ADAM12: variants seen among roughly 807,000 people sequenced by gnomAD.
ADAM12 encodes ADAM metallopeptidase domain 12.
Under a neutral mutation model 106.4 loss-of-function variants are expected in ADAM12, and 70 were observed. That is an observed-to-expected ratio of 0.66 (90% CI 0.54 to 0.80). The LOEUF (loss-of-function observed/expected upper bound fraction) is 0.80. Among genes scored for constraint, ADAM12 ranks in the 30% least tolerant of loss-of-function variants. The pLI is 0.00. For missense variants in ADAM12, 1,010 were observed against 1,171.9 expected (o/e 0.86, Z 2.02); for synonymous variants, 420 against 433.5 (o/e 0.97, Z 0.39).
chr10:126,189,667 T>C (rs1417735707), intron 3 of ADAM12, among the ~76,000 whole-genome samples: 1 of 152,140 alleles, frequency 6.6e-6, no homozygotes, highest in Admixed American at 6.5e-5. Context: ...TTGGGCTCCC[T>C]GTCCTGGGCT....
intron 4 of ADAM12, among the ~76,000 whole-genome samples, chr10:126,153,839 T>C (rs1956769843): frequency 6.6e-6 from 1 of 152,220 alleles, no homozygotes; most frequent in Non-Finnish European, 1.5e-5. Context: ...GAGGTCAATA[T>C]CTTGACTGGG....
At chr10:126,206,527 T>C (rs1380527140) in intron 3 of ADAM12, among the ~76,000 whole-genome samples, 1 of 152,160 alleles carries the variant, frequency 6.6e-6, no homozygotes, top group African/African-American at 2.4e-5. Context: ...GCCTCTAGAA[T>C]GTGTGTATTC....
chr10:126,093,495 C>T (rs1955502681), intron 11 of ADAM12, among the ~76,000 whole-genome samples: 1 of 152,300 alleles, frequency 6.6e-6, no homozygotes, highest in East Asian at 1.9e-4. Context: ...CCCCAAGCTA[C>T]CGACTTCAGA....
At chr10:126,045,600 T>C (rs1954296252) in intron 17 of ADAM12, among the ~76,000 whole-genome samples, 1 of 152,230 alleles carries the variant, frequency 6.6e-6, no homozygotes, top group Admixed American at 6.5e-5. Flanking sequence ...TGAACTAAAA[T>C]AACAGCCTTC....
chr10:126,094,758 C>T (rs1354570390), intron 10 of ADAM12, among the ~76,000 whole-genome samples: 1 of 152,158 alleles, frequency 6.6e-6, no homozygotes, highest in African/African-American at 2.4e-5. Flanking sequence ...ATATCTTATT[C>T]TTGCTGGCTC....
At chr10:126,024,873 G>A (rs1344132489) in intron 21 of ADAM12, among the ~76,000 whole-genome samples, 1 of 151,874 alleles carries the variant, frequency 6.6e-6, no homozygotes, top group Non-Finnish European at 1.5e-5. Context: ...GCAGGGTGAG[G>A]CAATGGCCCA....
intron 3 of ADAM12, among the ~76,000 whole-genome samples, chr10:126,166,569 G>A (rs909703952): frequency 1.3e-5 from 2 of 152,018 alleles, no homozygotes; most frequent in East Asian, 1.9e-4. Flanking sequence ...GCGAGATCTC[G>A]GCTCACTGCA....
At chr10:126,379,696 A>G (rs1234580424) in intron 1 of ADAM12, among the ~76,000 whole-genome samples, 1 of 152,186 alleles carries the variant, frequency 6.6e-6, no homozygotes, top group Non-Finnish European at 1.5e-5. Context: ...GTATATTAAA[A>G]AAAGTTGCTC....
At chr10:126,264,975 C>T (rs916599353) in intron 3 of ADAM12, among the ~76,000 whole-genome samples, 23 of 152,058 alleles carry the variant, frequency 1.5e-4, no homozygotes, top group African/African-American at 5.6e-4. Context: ...ATCCAGCACT[C>T]TAAATAAAAA....
intron 9 of ADAM12, among the ~76,000 whole-genome samples, chr10:126,099,750 C>T (rs1993844): frequency 6.6e-6 from 1 of 152,152 alleles, no homozygotes; most frequent in Non-Finnish European, 1.5e-5. Context: ...TCAGTTCAGA[C>T]GTAGGCATTT....
At chr10:126,370,135 C>A (rs1856058731) in intron 1 of ADAM12, among the ~76,000 whole-genome samples, 1 of 152,136 alleles carries the variant, frequency 6.6e-6, no homozygotes, top group Admixed American at 6.5e-5. Context: ...CCAGTTGAGC[C>A]TTTGAATGAG....
At chr10:126,299,964 G>A (rs1960549925) in intron 2 of ADAM12, among the ~76,000 whole-genome samples, 1 of 152,034 alleles carries the variant, frequency 6.6e-6, no homozygotes, top group East Asian at 1.9e-4. Flanking sequence ...TTTTTTCTCT[G>A]ACATCCTCAT....
chr10:126,384,562 G>T (rs1856595224), intron 1 of ADAM12, among the ~76,000 whole-genome samples: 1 of 152,056 alleles, frequency 6.6e-6, no homozygotes, highest in Non-Finnish European at 1.5e-5. Context: ...GGAACAGGAG[G>T]ATGAGGGGCT....
At chr10:126,220,631 T>C (rs1454241134) in intron 3 of ADAM12, among the ~76,000 whole-genome samples, 1 of 152,212 alleles carries the variant, frequency 6.6e-6, no homozygotes, top group Admixed American at 6.5e-5. Context: ...GCATCCCATA[T>C]TTGCATTTGC....
intron 3 of ADAM12, among the ~76,000 whole-genome samples, chr10:126,209,516 G>T (rs550505347): frequency 1.3e-5 from 2 of 152,138 alleles, no homozygotes; most frequent in African/African-American, 4.8e-5. Flanking sequence ...ATTAGAATTT[G>T]TCCTAATAAC....
intron 1 of ADAM12, among the ~76,000 whole-genome samples, chr10:126,380,827 G>A (rs531991340): frequency 6.6e-6 from 1 of 152,334 alleles, no homozygotes; most frequent in South Asian, 2.1e-4. Flanking sequence ...CAGCCAAAGG[G>A]TTGTAGGGCT....
At chr10:126,255,000 G>C (rs867173504) in intron 3 of ADAM12, among the ~76,000 whole-genome samples, 5 of 152,278 alleles carry the variant, frequency 3.3e-5, no homozygotes, top group Non-Finnish European at 7.4e-5. Context: ...CCGGTCACCA[G>C]CCCCCGGTGG....
intron 2 of ADAM12, among the ~76,000 whole-genome samples, chr10:126,325,747 A>T (rs1196689106): frequency 1.3e-5 from 2 of 152,184 alleles, no homozygotes; most frequent in African/African-American, 2.4e-5. Context: ...TAATTTTTTC[A>T]AGACATGAAA....
intron 2 of ADAM12, among the ~76,000 whole-genome samples, chr10:126,293,549 TCA>T (rs1960244460): frequency 6.6e-6 from 1 of 152,176 alleles, no homozygotes; most frequent in African/African-American, 2.4e-5. Flanking sequence ...AGATGGAGTC[TCA>T]CTCTTCACCC....
Sources: allele counts gnomAD v4.1 joint callset (sites outside exome capture counted in the v4.1 genomes callset), GRCh38; gene constraint gnomAD v4.1.1; transcripts MANE v1.5; gene names NCBI Gene and HGNC (gene_info 2026-07-23, HGNC 2026-07-21).